CEP63: variants seen among roughly 807,000 people sequenced by gnomAD.
CEP63 encodes the protein centrosomal protein of 63 kDa.
Under a neutral mutation model 89.1 loss-of-function variants are expected in CEP63, and 84 were observed. That is an observed-to-expected ratio of 0.94 (90% confidence interval 0.79 to 1.13). The LOEUF is 1.13. CEP63 is among the 50% of genes most tolerant of loss of function. The pLI, the probability that CEP63 is intolerant of heterozygous loss-of-function variation, is 0.00. For synonymous variants in CEP63, 267 were observed against 272.5 expected (o/e 0.98, Z 0.20); for missense variants, 838 against 813.3 (o/e 1.03, Z -0.37).
rs772144433 is a variant in CEP63 at position 134,498,405 on chromosome 3, T to C, written c.44+3041T>C. Among the ~76,000 whole-genome samples the C allele has an allele frequency of 9.3e-4, 141 of 152,354 alleles. 1 individual carries two copies. The highest frequency in any genetic ancestry group is 1.5e-3 in the Non-Finnish European group (104 of 68,032). ...CATTACTGATTTTTGTATGTTGATT[T>C]TGTATTCTGCAACTTTACTGAATTT... is the stretch of plus-strand genomic sequence containing the variant. On this transcript the variant is annotated intron_variant, in intron 2 of 14. Transcript: ENST00000675561.
intron 11 of CEP63, among the ~76,000 whole-genome samples, chr3:134,572,521 C>T (rs4417907): frequency 0.67 from 101,280 of 152,050 alleles, 34,136 homozygotes; most frequent in East Asian, 0.82. Context: ...GTTTTCTGTT[C>T]CTGCCTTATC....
chr3:134,692,825 T>C, the CEP63 span, among the ~76,000 whole-genome samples: 2 of 152,240 alleles, frequency 1.3e-5, no homozygotes, highest in Non-Finnish European at 2.9e-5. Flanking sequence ...TAGCACACTA[T>C]GGCTGTTGGT....
intron 2 of CEP63, among the ~76,000 whole-genome samples, chr3:134,499,522 G>A (rs895659996): frequency 2.0e-5 from 3 of 151,926 alleles, no homozygotes; most frequent in African/African-American, 2.4e-5. Flanking sequence ...TTTCTGATCT[G>A]ATCTTTGTTA....
At chr3:134,592,603 T>TA (rs1441799190), downstream of CEP63, among the ~76,000 whole-genome samples, 1 of 151,692 alleles carries the variant, frequency 6.6e-6, no homozygotes, top group Non-Finnish European at 1.5e-5. Flanking sequence ...ATGGTACCTG[T>TA]AGGCCTTTTT....
chr3:134,606,914 C>T, the CEP63 span: 1 of 985,232 alleles, frequency 1.0e-6, no homozygotes, highest in East Asian at 1.1e-4. Flanking sequence ...TTCCTTTCTG[C>T]TCATCTCAGT....
At chr3:134,542,710 C>T (rs887071513) in intron 6 of CEP63, among the ~76,000 whole-genome samples, 1 of 152,198 alleles carries the variant, frequency 6.6e-6, no homozygotes, top group African/African-American at 2.4e-5. Context: ...TCAACCCCCA[C>T]TCCCCAATTT....
intron 3 of CEP63, among the ~76,000 whole-genome samples, chr3:134,515,382 G>A (rs1424693076): frequency 6.6e-6 from 1 of 152,118 alleles, no homozygotes; most frequent in Non-Finnish European, 1.5e-5. Flanking sequence ...AAGAAAAACT[G>A]TCCAACTGGA....
At chr3:134,749,828 A>AGTTGAGC in the CEP63 span, among the ~76,000 whole-genome samples, 88,527 of 150,796 alleles carry the variant, frequency 0.59, 27,392 homozygotes, top group East Asian at 0.78. Flanking sequence ...AGGCTAGGAG[A>AGTTGAGC]GTTGAGCAGA....
chr3:134,738,837 T>C, the CEP63 span, among the ~76,000 whole-genome samples: 1 of 152,120 alleles, frequency 6.6e-6, no homozygotes, highest in Admixed American at 6.6e-5. Flanking sequence ...AATATCTTAA[T>C]AGCGTTTCTC....
the CEP63 span, among the ~76,000 whole-genome samples, chr3:134,621,956 A>T: frequency 2.0e-5 from 3 of 152,022 alleles, no homozygotes; most frequent in Non-Finnish European, 4.4e-5. Flanking sequence ...ATAAGCACAT[A>T]AAAAAAAGCT....
At chr3:134,715,847 C>G in the CEP63 span, among the ~76,000 whole-genome samples, 4 of 152,156 alleles carry the variant, frequency 2.6e-5, no homozygotes, top group Admixed American at 1.3e-4. Context: ...TGACTAGATA[C>G]AACCCCACAA....
At chr3:134,638,707 C>CT in the CEP63 span, among the ~76,000 whole-genome samples, 1 of 152,252 alleles carries the variant, frequency 6.6e-6, no homozygotes, top group African/African-American at 2.4e-5. Flanking sequence ...CACATGCTTA[C>CT]TGCCCTGCCT....
At chr3:134,686,307 A>C in the CEP63 span, among the ~76,000 whole-genome samples, 18 of 152,272 alleles carry the variant, frequency 1.2e-4, no homozygotes, top group African/African-American at 4.3e-4. Flanking sequence ...CCAGAGAAAG[A>C]GTTATCTGTC....
the CEP63 span, among the ~76,000 whole-genome samples, chr3:134,750,006 T>C: frequency 6.6e-6 from 1 of 152,188 alleles, no homozygotes; most frequent in Admixed American, 6.5e-5. Flanking sequence ...GAGCTTGGCA[T>C]TGGAAGCAAG....
chr3:134,596,614 G>A, the CEP63 span, among the ~76,000 whole-genome samples: 1 of 152,192 alleles, frequency 6.6e-6, no homozygotes, highest in Non-Finnish European at 1.5e-5. Context: ...GATGGTTATG[G>A]ACTGCTAGGC....
chr3:134,568,748 C>T (rs184234959), downstream of CEP63, among the ~76,000 whole-genome samples: 23 of 152,334 alleles, frequency 1.5e-4, no homozygotes, highest in African/African-American at 3.8e-4. Flanking sequence ...CAATTCCAGA[C>T]GCTTCCCCAG....
the CEP63 span, among the ~76,000 whole-genome samples, chr3:134,721,749 T>C: frequency 3.3e-5 from 5 of 152,210 alleles, no homozygotes; most frequent in Non-Finnish European, 7.4e-5. Context: ...CTGTCCTTTA[T>C]TTTATTAATG....
the CEP63 span, among the ~76,000 whole-genome samples, chr3:134,662,043 G>A: frequency 5.9e-5 from 9 of 152,206 alleles, no homozygotes; most frequent in South Asian, 8.3e-4. Context: ...TGCGGAGGCC[G>A]AGGTGGGTAG....
the CEP63 span, among the ~76,000 whole-genome samples, chr3:134,650,366 G>T: frequency 1.3e-3 from 200 of 152,284 alleles, 1 homozygote; most frequent in South Asian, 0.015. Flanking sequence ...AATTGTGCAA[G>T]GCCACACAGG....
Sources: gnomAD v4.1 joint callset for allele counts (sites outside exome capture counted in the v4.1 genomes callset) on GRCh38, gnomAD v4.1.1 for gene constraint, MANE v1.5 for transcripts, NCBI Gene and HGNC (gene_info 2026-07-23, HGNC 2026-07-21) for gene names.